Variants in VPS13B observed in about 807,000 individuals in gnomAD.
VPS13B encodes intermembrane lipid transfer protein VPS13B.
VPS13B carries 285 observed loss-of-function variants against 426.4 expected under a neutral mutation model. That is an observed-to-expected ratio of 0.67 (90% confidence interval 0.61 to 0.74). VPS13B has a LOEUF of 0.74. VPS13B is among the 30% of genes least tolerant of loss of function. VPS13B has a pLI of 0.00. For missense variants in VPS13B, 4,537 were observed against 4,782.6 expected (o/e 0.95, Z 1.51); for synonymous variants, 1,676 against 1,676.4 (o/e 1.00, Z 0.01).
At chr8:99,453,612 T>G (rs1818306856) in intron 23 of VPS13B, among the ~76,000 whole-genome samples, 1 of 152,184 alleles carries the variant, frequency 6.6e-6, no homozygotes, top group African/African-American at 2.4e-5. Flanking sequence ...TATTCCTTGC[T>G]TATCAATTTT....
chr8:99,477,917 C>T (rs915860950), intron 24 of VPS13B, among the ~76,000 whole-genome samples: 2 of 151,990 alleles, frequency 1.3e-5, no homozygotes, highest in African/African-American at 4.8e-5. Flanking sequence ...ACCCTGTTTC[C>T]TTTAATGTCT....
chr8:99,646,994 T>C (rs1391390410), intron 34 of VPS13B, among the ~76,000 whole-genome samples: 1 of 152,210 alleles, frequency 6.6e-6, no homozygotes, highest in African/African-American at 2.4e-5. Flanking sequence ...TATTCCTTTA[T>C]ATAATGCAAA....
chr8:99,708,769 C>G (rs1363674032), intron 36 of VPS13B, among the ~76,000 whole-genome samples: 1 of 151,948 alleles, frequency 6.6e-6, no homozygotes, highest in East Asian at 1.9e-4. Flanking sequence ...TGTTTTGTCC[C>G]ACATATCATT....
chr8:99,606,775 G>A (rs1345772248), intron 33 of VPS13B, among the ~76,000 whole-genome samples: 1 of 151,938 alleles, frequency 6.6e-6, no homozygotes, highest in East Asian at 1.9e-4. Flanking sequence ...TTACAGGCAT[G>A]CGCAATCACG....
chr8:99,349,556 A>T (rs1310454768), intron 19 of VPS13B, among the ~76,000 whole-genome samples: 1 of 152,140 alleles, frequency 6.6e-6, no homozygotes, highest in African/African-American at 2.4e-5. Flanking sequence ...TGAGTTTTAG[A>T]TAAACAACAA....
chr8:99,660,122 A>C (rs1052668546), intron 34 of VPS13B, among the ~76,000 whole-genome samples: 7 of 152,214 alleles, frequency 4.6e-5, no homozygotes, highest in African/African-American at 1.7e-4. Context: ...TAAAAAGAGA[A>C]GACTGCACTA....
chr8:99,874,405 T>C (rs1817588006), intron 61 of VPS13B, among the ~76,000 whole-genome samples: 1 of 152,170 alleles, frequency 6.6e-6, no homozygotes, highest in African/African-American at 2.4e-5. Context: ...CTTATTCTTC[T>C]AGCAAGCCTC....
chr8:99,284,271 C>T (rs1280370709), intron 19 of VPS13B, among the ~76,000 whole-genome samples: 1 of 152,146 alleles, frequency 6.6e-6, no homozygotes, highest in African/African-American at 2.4e-5. Context: ...TTTATTAAAG[C>T]ACCACCTTGC....
intron 36 of VPS13B, among the ~76,000 whole-genome samples, chr8:99,715,093 T>C (rs1452918966): frequency 1.5e-5 from 2 of 130,794 alleles, no homozygotes; most frequent in East Asian, 2.2e-4. Flanking sequence ...AATAGAAAGC[T>C]TTTTTTTTTT....
At chr8:99,551,281 G>A (rs1824269888) in intron 30 of VPS13B, among the ~76,000 whole-genome samples, 1 of 151,972 alleles carries the variant, frequency 6.6e-6, no homozygotes, top group Non-Finnish European at 1.5e-5. Context: ...TAAAGTCTAT[G>A]TTGTATAATG....
chr8:99,290,608 A>G (rs992447146), intron 19 of VPS13B, among the ~76,000 whole-genome samples: 5 of 151,922 alleles, frequency 3.3e-5, no homozygotes, highest in African/African-American at 1.2e-4. Context: ...TACATATGTA[A>G]CAAACCTGCA....
rs574778029 is a variant in VPS13B at position 99,735,215 on chromosome 8, CAT to C, written c.7050+14169_7050+14170del. On this transcript the variant is annotated intron_variant, in intron 39 of 61. Coordinates refer to ENST00000357162, the MANE Select transcript of VPS13B (RefSeq NM_152564.5). ...ATGAGAATAGAACCATGAAAAAACT[CAT>C]TGTATCTAGTAAATAAATAGTAGAT... 2.6e-5 allele frequency among the ~76,000 whole-genome samples: 4 copies of C among 152,222 alleles called. No individual in the cohort carries two copies. In the South Asian group the frequency reaches 8.3e-4, roughly 32 times the overall value.
chr8:99,870,968 C>G, intron 60 of VPS13B, 81 bp downstream of exon 60: 5 of 1,414,732 alleles, frequency 3.5e-6, no homozygotes, highest in Non-Finnish European at 4.9e-6. Flanking sequence ...AGCTAATGGG[C>G]CATGCTTCCA....
At chr8:99,121,126 CTTAG>C in intron 7 of VPS13B, 47 bp from the exon 8 acceptor site, 1 of 1,548,346 alleles carries the variant, frequency 6.5e-7, no homozygotes, top group Non-Finnish European at 8.8e-7. Context: ...TTTCTATTCT[CTTAG>C]TTAAATCCTT....
chr8:99,359,508 G>A (rs967965380), intron 19 of VPS13B, among the ~76,000 whole-genome samples: 3 of 152,036 alleles, frequency 2.0e-5, no homozygotes, highest in Non-Finnish European at 2.9e-5. Context: ...AAGACATTTT[G>A]TATTTTAGAC....
intron 51 of VPS13B, among the ~76,000 whole-genome samples, chr8:99,828,396 T>TTTTTTTTTTTTTG (rs1814838244): frequency 3.6e-5 from 1 of 27,476 alleles, no homozygotes; most frequent in African/African-American, 1.4e-4. Flanking sequence ...CAACCACCGT[T>TTTTTTTTTTTTTG]TTTTTTTTTT....
At chr8:99,280,387 G>C (rs1243988616) in intron 19 of VPS13B, among the ~76,000 whole-genome samples, 1 of 151,868 alleles carries the variant, frequency 6.6e-6, no homozygotes, top group Non-Finnish European at 1.5e-5. Context: ...CTGTTAAGAC[G>C]GTATATATTT....
intron 19 of VPS13B, among the ~76,000 whole-genome samples, chr8:99,370,139 GT>G (rs1467733768): frequency 3.3e-5 from 5 of 152,126 alleles, no homozygotes; most frequent in Non-Finnish European, 5.9e-5. Context: ...TATTTTTTAA[GT>G]GCCAGTCACT....
At chr8:99,110,711 A>AT (rs1473149506) in intron 5 of VPS13B, among the ~76,000 whole-genome samples, 23 of 151,952 alleles carry the variant, frequency 1.5e-4, no homozygotes, top group Non-Finnish European at 8.8e-5. Context: ...TGTTAAATGA[A>AT]TGACTTCTTC....
Sources: gnomAD v4.1 joint callset for allele counts (sites outside exome capture counted in the v4.1 genomes callset) on GRCh38, gnomAD v4.1.1 for gene constraint, MANE v1.5 for transcripts, NCBI Gene and HGNC (gene_info 2026-07-23, HGNC 2026-07-21) for gene names.